The following MSR1 variants were observed in gnomAD, a reference collection of about 807,000 sequenced individuals.
MSR1 encodes macrophage scavenger receptor types I and II.
In MSR1, 53 loss-of-function variants were observed where a neutral mutation model predicts 47.2. The ratio of observed to expected loss-of-function variants is 1.12; its 90% CI spans 0.90 to 1.41. The LOEUF (loss-of-function observed/expected upper bound fraction) is 1.41, where lower values mean the gene tolerates loss of function less well. Ranked by LOEUF, MSR1 falls within the 40% of genes most tolerant of loss-of-function variation. The probability of loss-of-function intolerance (pLI) is 0.00; values close to 1 mark genes in which losing one functional copy is unlikely to be tolerated. For synonymous variants in MSR1, 239 were observed against 185.6 expected, an observed-to-expected ratio of 1.29 and a Z score of -2.34; for missense variants, 786 against 546.9, an observed-to-expected ratio of 1.44 and a Z score of -4.36.
At chr8:16,188,096 A>G (rs384035) in intron 1 of MSR1, among the ~76,000 whole-genome samples, 27,725 of 152,048 alleles carry the variant, frequency 0.18, 3,962 homozygotes, top group African/African-American at 0.39. Flanking sequence ...AAACGATTGT[A>G]AAATCCTTGG....
intron 7 of MSR1, 29 bp downstream of exon 7, chr8:16,150,202 T>A (rs1317399410): frequency 9.2e-7 from 1 of 1,086,432 alleles, no homozygotes; most frequent in Admixed American, 2.4e-5. Flanking sequence ...CTACATATTC[T>A]ATAAAGAAAA....
intron 1 of MSR1, among the ~76,000 whole-genome samples, chr8:16,187,257 G>T (rs1802028627): frequency 6.8e-6 from 1 of 147,150 alleles, no homozygotes; most frequent in South Asian, 2.2e-4. Context: ...CAGCTACTCA[G>T]AAGGCTGAGA....
chr8:16,168,846 T>C lies in MSR1; in HGVS notation c.242A>G (p.Lys81Arg). 6.2e-7 allele frequency: 1 copy of C among 1,613,616 alleles called. No individual in the cohort carries two copies. Among genetic ancestry groups the C allele is most frequent in the East Asian group, 2.2e-5 (1 of 44,868 alleles). Residue 81 changes from lysine to arginine, a missense_variant, in exon 4 of 10, where the codon AAG becomes AGG. By Grantham distance (26) the Lys-to-Arg change is conservative. Coordinates refer to ENST00000262101, the MANE Select transcript of MSR1 (RefSeq NM_138715.3). Reference sequence around the variant, plus strand: ...ATTAGTTGAACTAACTGAGCAATTCTTCGTTTCCCACTTCAGGAGTTGAGC... The same window carrying C: ...ATTAGTTGAACTAACTGAGCAATTCCTCGTTTCCCACTTCAGGAGTTGAGC... ...VAAQLLKWETKNCSVSSTNAN... is the reference protein window; with the variant it reads ...VAAQLLKWETRNCSVSSTNAN...
chr8:16,137,812 T>G (rs960321704), intron 8 of MSR1, among the ~76,000 whole-genome samples: 5 of 151,946 alleles, frequency 3.3e-5, no homozygotes, highest in Non-Finnish European at 7.4e-5. Flanking sequence ...GGCAATATAG[T>G]GAGATCCCAT....
intron 8 of MSR1, among the ~76,000 whole-genome samples, chr8:16,138,443 T>G (rs1800444956): frequency 6.6e-6 from 1 of 152,216 alleles, no homozygotes; most frequent in Non-Finnish European, 1.5e-5. Context: ...TTGTGCCATT[T>G]GTGCCAATAA....
chr8:16,111,039 T>C (rs541591117), intron 9 of MSR1, among the ~76,000 whole-genome samples: 1 of 135,006 alleles, frequency 7.4e-6, no homozygotes, highest in African/African-American at 3.1e-5. Context: ...CAGGGACACT[T>C]TTTAGTTCCC....
chr8:16,166,355 G>A lies in MSR1; in HGVS notation c.630+2103C>T, dbSNP rs191293176. Among the ~76,000 whole-genome samples the A allele has an allele frequency of 2.0e-3, 295 of 151,008 alleles. 6 individuals carry two copies. The highest frequency in any genetic ancestry group is 6.6e-3 in the African/African-American group (270 of 41,188). ...TTTTTTTTAATTTTGTAGAGATGGG[G>A]TTTCACTATGTTGGCCAGACTGGTC... On this transcript the variant is annotated intron_variant, in intron 4 of 9. Transcript: ENST00000262101.
intron 1 of MSR1, among the ~76,000 whole-genome samples, chr8:16,181,040 ACTCTT>A (rs1801815235): frequency 6.6e-6 from 1 of 152,096 alleles, no homozygotes; most frequent in African/African-American, 2.4e-5. Context: ...TTAGATCCAC[ACTCTT>A]CTCTATTTCC....
chr8:16,190,731 T>C (rs914783657), intron 1 of MSR1, among the ~76,000 whole-genome samples: 2 of 150,796 alleles, frequency 1.3e-5, no homozygotes, highest in Admixed American at 6.6e-5. Context: ...TTCTTTCTTT[T>C]TGTTTTTGAG....
At chr8:16,186,246 A>G in intron 1 of MSR1, 1 of 1,513,220 alleles carries the variant, frequency 6.6e-7, no homozygotes, top group South Asian at 1.2e-5. Flanking sequence ...ATTCCTCCTC[A>G]TCTCCCCAAC....
intron 9 of MSR1, among the ~76,000 whole-genome samples, chr8:16,112,813 T>G (rs1247445383): frequency 2.0e-5 from 3 of 151,982 alleles, no homozygotes; most frequent in African/African-American, 4.8e-5. Flanking sequence ...ATGTTTTTAA[T>G]CTCTAATCCT....
intron 1 of MSR1, among the ~76,000 whole-genome samples, chr8:16,188,050 A>T (rs1253178998): frequency 1.3e-5 from 2 of 152,162 alleles, no homozygotes; most frequent in Non-Finnish European, 2.9e-5. Flanking sequence ...AGCTTCACAT[A>T]AAGTTACTCT....
chr8:16,173,254 T>G (rs1344489912), intron 3 of MSR1, among the ~76,000 whole-genome samples: 3 of 152,198 alleles, frequency 2.0e-5, no homozygotes, highest in Admixed American at 6.5e-5. Flanking sequence ...TGAACTTGGT[T>G]AGAACCTTGA....
At chr8:16,144,798 T>C (rs1800655079) in intron 7 of MSR1, among the ~76,000 whole-genome samples, 1 of 152,138 alleles carries the variant, frequency 6.6e-6, no homozygotes, top group Non-Finnish European at 1.5e-5. Flanking sequence ...TTAGCTGGAA[T>C]CTTCTCTTTG....
chr8:16,137,280 G>T (rs140700369), intron 8 of MSR1, among the ~76,000 whole-genome samples: 16 of 152,194 alleles, frequency 1.1e-4, no homozygotes, highest in African/African-American at 3.9e-4. Flanking sequence ...GAGTAGTTAT[G>T]AAGGTGGAAA....
chr8:16,146,149 G>A (rs1308353166), intron 7 of MSR1, among the ~76,000 whole-genome samples: 1 of 152,024 alleles, frequency 6.6e-6, no homozygotes, highest in Non-Finnish European at 1.5e-5. Context: ...TTCTGCAGCT[G>A]TAGGCCGCCT....
At position 16,150,128 on chromosome 8, in the gene MSR1, ATGTG is replaced by A. The variant is rs142754636; in HGVS notation, c.979+99_979+102del. 142 of 195,268 alleles carry A rather than the reference ATGTG, an allele frequency of 7.3e-4. No homozygotes were observed. In the Middle Eastern group the frequency reaches 0.016, roughly 22 times the overall value. 12.1% of individuals were successfully genotyped at this position (195,268 alleles called of 1,614,324 possible). A position where few individuals can be genotyped will look rare whatever the true frequency, so the allele number is the denominator to read the frequency against. On this transcript the variant is annotated intron_variant, in intron 7 of 9. Transcript: ENST00000262101. ...CATATATAACATTATGTGTGTGTGT[ATGTG>A]TGTGTGTGTATATATATATATATAT...
chr8:16,140,895 G>C, intron 8 of MSR1: 1 of 1,608,954 alleles, frequency 6.2e-7, no homozygotes, highest in Admixed American at 1.7e-5. Flanking sequence ...TCATTTGGAG[G>C]AGTCACAAAA....
chr8:16,166,284 A>C (rs1037924440), intron 4 of MSR1, among the ~76,000 whole-genome samples: 9 of 144,776 alleles, frequency 6.2e-5, no homozygotes, highest in African/African-American at 2.3e-4. Flanking sequence ...GGTTCTCCCG[A>C]GTAGCTGGGA....
Sources: gnomAD v4.1 joint callset for allele counts (sites outside exome capture counted in the v4.1 genomes callset) on GRCh38, gnomAD v4.1.1 for gene constraint, MANE v1.5 for transcripts, NCBI Gene and HGNC (gene_info 2026-07-23, HGNC 2026-07-21) for gene names.